KCNH5: variants seen among roughly 807,000 people sequenced by gnomAD.
The protein encoded by KCNH5 is potassium voltage-gated channel subfamily H member 5.
In KCNH5, 46 loss-of-function variants were observed where a neutral mutation model predicts 96.1. The ratio of observed to expected loss-of-function variants is 0.48; its 90% CI spans 0.38 to 0.61. The LOEUF is 0.61. Ranked by LOEUF, KCNH5 falls within the 20% of genes least tolerant of loss-of-function variation. KCNH5 has a pLI of 0.00. For synonymous variants in KCNH5, 439 were observed against 449.8 expected (o/e 0.98, Z 0.30); for missense variants, 907 against 1,225.8 (o/e 0.74, Z 3.88).
At chr14:62,990,065 T>C (rs1052255794) in intron 4 of KCNH5, among the ~76,000 whole-genome samples, 3 of 151,938 alleles carry the variant, frequency 2.0e-5, no homozygotes, top group Non-Finnish European at 4.4e-5. Flanking sequence ...GTATAACTCA[T>C]TGGATTAAAA....
At chr14:63,042,900 AC>A (rs1891852618) in intron 1 of KCNH5, among the ~76,000 whole-genome samples, 1 of 152,116 alleles carries the variant, frequency 6.6e-6, no homozygotes, top group Non-Finnish European at 1.5e-5. Context: ...CACACTTCAA[AC>A]AGTTCAGGGT....
chr14:62,718,271 A>C (rs1174479040), intron 10 of KCNH5, among the ~76,000 whole-genome samples: 1 of 152,168 alleles, frequency 6.6e-6, no homozygotes, highest in Non-Finnish European at 1.5e-5. Flanking sequence ...ACAAACCTGC[A>C]TATCTACCCC....
At chr14:62,999,769 C>T (rs1310373115) in intron 4 of KCNH5, among the ~76,000 whole-genome samples, 3 of 145,532 alleles carry the variant, frequency 2.1e-5, no homozygotes, top group East Asian at 2.1e-4. Flanking sequence ...TGCTAAATGA[C>T]GAGTTAATGG....
At chr14:62,914,791 T>C (rs1889242506) in intron 7 of KCNH5, among the ~76,000 whole-genome samples, 1 of 152,194 alleles carries the variant, frequency 6.6e-6, no homozygotes, top group African/African-American at 2.4e-5. Context: ...CCTCAGACTA[T>C]GGTAATTTCT....
At chr14:62,789,721 T>C (rs576987050) in intron 9 of KCNH5, among the ~76,000 whole-genome samples, 16 of 152,092 alleles carry the variant, frequency 1.1e-4, no homozygotes, top group Admixed American at 9.2e-4. Flanking sequence ...GTTATTTTTA[T>C]GTTTTATTTG....
chr14:63,026,295 T>C (rs1285418484), intron 1 of KCNH5, among the ~76,000 whole-genome samples: 1 of 152,052 alleles, frequency 6.6e-6, no homozygotes, highest in Non-Finnish European at 1.5e-5. Flanking sequence ...CTACAAGACA[T>C]TGGTCTGAGC....
At chr14:63,006,767 A>G (rs1027205401) in intron 2 of KCNH5, among the ~76,000 whole-genome samples, 4 of 152,148 alleles carry the variant, frequency 2.6e-5, no homozygotes, top group Non-Finnish European at 5.9e-5. Context: ...TTGCCACTTG[A>G]TCTTCAGTCT....
intron 9 of KCNH5, among the ~76,000 whole-genome samples, chr14:62,802,110 C>T (rs558291608): frequency 2.6e-5 from 4 of 152,028 alleles, no homozygotes; most frequent in Admixed American, 6.6e-5. Context: ...CCTACTGTTG[C>T]CAAAGAAAGT....
At chr14:62,859,223 T>C (rs1887987012) in intron 7 of KCNH5, among the ~76,000 whole-genome samples, 1 of 152,076 alleles carries the variant, frequency 6.6e-6, no homozygotes, top group South Asian at 2.1e-4. Context: ...CCCAGAGTAA[T>C]GGTGCCATAT....
intron 9 of KCNH5, among the ~76,000 whole-genome samples, chr14:62,782,354 C>T (rs1328703994): frequency 6.6e-6 from 1 of 152,208 alleles, no homozygotes; most frequent in Non-Finnish European, 1.5e-5. Context: ...AAAACCACCA[C>T]ATGATCATGT....
chr14:62,724,039 A>G (rs995101090), intron 10 of KCNH5, among the ~76,000 whole-genome samples: 1 of 152,198 alleles, frequency 6.6e-6, no homozygotes, highest in Admixed American at 6.5e-5. Context: ...TTCCAACTCA[A>G]GAATTTGATT....
intron 7 of KCNH5, among the ~76,000 whole-genome samples, chr14:62,938,823 GTTCAA>G (rs1889733636): frequency 6.6e-6 from 1 of 152,174 alleles, no homozygotes; most frequent in African/African-American, 2.4e-5. Flanking sequence ...TTCTAAGAAA[GTTCAA>G]TTTCATACAA....
chr14:62,825,052 G>A (rs1887194378), intron 8 of KCNH5, among the ~76,000 whole-genome samples: 2 of 152,128 alleles, frequency 1.3e-5, no homozygotes, highest in South Asian at 2.1e-4. Flanking sequence ...ATTGTGAACA[G>A]CACTGCAATG....
At chr14:62,839,563 C>T (rs1013946593) in intron 8 of KCNH5, among the ~76,000 whole-genome samples, 1 of 141,186 alleles carries the variant, frequency 7.1e-6, no homozygotes, top group Non-Finnish European at 1.5e-5. Flanking sequence ...ATGATTAGTT[C>T]AATCATATTT....
intron 6 of KCNH5, among the ~76,000 whole-genome samples, chr14:62,974,641 GTTA>G (rs376110499): frequency 2.0e-5 from 3 of 152,170 alleles, no homozygotes; most frequent in African/African-American, 4.8e-5. Flanking sequence ...AATAAAGAAC[GTTA>G]TTAAGTCTTC....
chr14:63,020,534 C>T (rs1343657708), intron 1 of KCNH5, among the ~76,000 whole-genome samples: 2 of 151,994 alleles, frequency 1.3e-5, no homozygotes, highest in Non-Finnish European at 2.9e-5. Flanking sequence ...TATAAAACAG[C>T]CACTAAAGTA....
At chr14:62,859,289 T>C (rs1427989485) in intron 7 of KCNH5, among the ~76,000 whole-genome samples, 3 of 152,132 alleles carry the variant, frequency 2.0e-5, no homozygotes, top group Admixed American at 2.0e-4. Flanking sequence ...GCAGTGGCCA[T>C]AGCCAGATCA....
At position 62,796,492 on chromosome 14, in the gene KCNH5, T is replaced by C. The variant is rs558555864; in HGVS notation, c.1822+5837A>G. On this transcript the variant is annotated intron_variant, in intron 9 of 10. Coordinates refer to ENST00000322893, the MANE Select transcript of KCNH5 (RefSeq NM_139318.5). ...AACCATACATAAACAAGCATAGCTC[T>C]CTTGAGAATTTGAAGTTACAATTGA... Among the ~76,000 whole-genome samples the C allele has an allele frequency of 6.1e-4, 93 of 152,300 alleles. 2 individuals carry two copies. The South Asian group carries it at 0.018, about 29-fold the overall frequency.
chr14:62,949,390 G>A (rs1214611175), intron 7 of KCNH5, among the ~76,000 whole-genome samples: 1 of 152,176 alleles, frequency 6.6e-6, no homozygotes, highest in African/African-American at 2.4e-5. Flanking sequence ...TTGAAGGCGT[G>A]AATGATGGTG....
Sources: gnomAD v4.1 joint callset for allele counts (sites outside exome capture counted in the v4.1 genomes callset) on GRCh38, gnomAD v4.1.1 for gene constraint, MANE v1.5 for transcripts, NCBI Gene and HGNC (gene_info 2026-07-23, HGNC 2026-07-21) for gene names.